B3GNT4: variants seen among roughly 807,000 people sequenced by gnomAD.
The protein encoded by B3GNT4 is N-acetyllactosaminide beta-1,3-N-acetylglucosaminyltransferase 4.
B3GNT4 carries 2 observed loss-of-function variants against 2.7 expected under a neutral mutation model. The ratio of observed to expected loss-of-function variants is 0.73; its 90% CI spans 0.30 to 2.31. The LOEUF (loss-of-function observed/expected upper bound fraction) is 2.31, where lower values mean the gene tolerates loss of function less well. Ranked by LOEUF, B3GNT4 falls within the 30% of genes most tolerant of loss-of-function variation. The pLI is 0.12. For missense variants in B3GNT4, 708 were observed against 490.9 expected, an observed-to-expected ratio of 1.44 and a Z score of -4.18; for synonymous variants, 280 against 203.4, an observed-to-expected ratio of 1.38 and a Z score of -3.20.
chr12:122,204,724 C>A, intron 2 of B3GNT4, 40 bp downstream of exon 2: 1 of 1,523,272 alleles, frequency 6.6e-7, no homozygotes. Context: ...CCCCTTGTCC[C>A]CCACCCCCGC....
At chr12:122,204,381 T>A in intron 1 of B3GNT4, 141 bp from the exon 2 acceptor site, 1 of 408,498 alleles carries the variant, frequency 2.4e-6, no homozygotes, top group Non-Finnish European at 4.4e-6. Flanking sequence ...GGCCAGCGCC[T>A]GGGGACGCCC....
At chr12:122,204,083 G>A (rs1159725110) in intron 1 of B3GNT4, among the ~76,000 whole-genome samples, 3 of 151,800 alleles carry the variant, frequency 2.0e-5, no homozygotes, top group Non-Finnish European at 4.4e-5. Flanking sequence ...CGCCCGACGC[G>A]CAGCGCTGCT....
Position 122,204,557 on chromosome 12 carries a change from TC to T in B3GNT4, c.-61del. On this transcript the variant is annotated 5_prime_UTR_variant, in exon 2 of 3. Transcript: ENST00000324189. ...TCGCACACCTGAGACTCATCTCGCT[TC>T]GACCCCGCCGCCGCCGCCGCCCGGC... is the stretch of plus-strand genomic sequence containing the variant. 6 of 1,345,662 alleles carry T rather than the reference TC, an allele frequency of 4.5e-6. No homozygotes were observed. Among genetic ancestry groups the T allele is most frequent in the Non-Finnish European group, 4.2e-6 (4 of 950,178 alleles). 83.4% of individuals were successfully genotyped at this position (1,345,662 alleles called of 1,614,324 possible).
chr12:122,208,706 T>A lies in B3GNT4; in HGVS notation c.*1318T>A. Reference sequence around the variant, plus strand: ...GGGGTCACTTTCCTTGACCTCCCTGTCTTCTCTCTCTGCAAAGAAACTTCC... The same window carrying A: ...GGGGTCACTTTCCTTGACCTCCCTGACTTCTCTCTCTGCAAAGAAACTTCC... On this transcript the variant is annotated 3_prime_UTR_variant, in exon 3 of 3. Coordinates refer to ENST00000324189, the MANE Select transcript of B3GNT4 (RefSeq NM_030765.4). 1 of 868,058 alleles carries A rather than the reference T, an allele frequency of 1.2e-6. No individual in the cohort carries two copies. 53.8% of individuals were successfully genotyped at this position (868,058 alleles called of 1,614,324 possible).
At chr12:122,206,004 G>A in intron 2 of B3GNT4, 2 of 363,548 alleles carry the variant, frequency 5.5e-6, no homozygotes, top group East Asian at 4.4e-5. Context: ...AAACTCATCA[G>A]GTGCTCGAGT....
chr12:122,204,013 C>T (rs1013994575), intron 1 of B3GNT4, among the ~76,000 whole-genome samples: 1 of 151,832 alleles, frequency 6.6e-6, no homozygotes, highest in Admixed American at 6.6e-5. Context: ...CTTCGGTTCT[C>T]CAGGCTGGGG....
At position 122,208,229 on chromosome 12, in the gene B3GNT4, C is replaced by T. The variant is rs372571210; in HGVS notation, c.*841C>T. The T allele has an allele frequency of 1.7e-4, 148 of 883,044 alleles. No homozygotes were observed. In the East Asian group the frequency reaches 3.4e-3, roughly 20 times the overall value. 54.7% of individuals were successfully genotyped at this position (883,044 alleles called of 1,614,324 possible). On this transcript the variant is annotated 3_prime_UTR_variant, in exon 3 of 3. Coordinates refer to ENST00000324189, the MANE Select transcript of B3GNT4 (RefSeq NM_030765.4). ...CGCAAGCCTGAGACCACAGGAGGCA[C>T]TCACAGCTCACAAAGGCGTCTCGCC...
rs972389008 is a variant in B3GNT4 at position 122,206,510 on chromosome 12, C to A, written c.259C>A (p.Leu87Met). 2 of 1,614,214 alleles carry A rather than the reference C, an allele frequency of 1.2e-6. No individual in the cohort carries two copies. Among genetic ancestry groups the A allele is most frequent in the African/African-American group, 2.7e-5 (2 of 75,072 alleles). Reference sequence around the variant, plus strand: ...CAACCACACAGTGTCTAGCGCCTCTCTGTCCCTGCCTAGCCGTCACCGTCT... The same window carrying A: ...CAACCACACAGTGTCTAGCGCCTCTATGTCCCTGCCTAGCCGTCACCGTCT... ...PPNHTVSSAS[L>M]SLPSRHRLFL... Residue 87 changes from leucine to methionine, a missense_variant, in exon 3 of 3, where the codon CTG becomes ATG. Coordinates refer to ENST00000324189, the MANE Select transcript of B3GNT4 (RefSeq NM_030765.4).
In B3GNT4 at chr12:122,206,818, C is replaced by CT; in HGVS notation, c.569dup (p.Phe191LeufsTer29). The CT allele has an allele frequency of 6.2e-7, 1 of 1,612,220 alleles. No homozygotes were observed. The highest frequency in any genetic ancestry group is 8.5e-7 in the Non-Finnish European group (1 of 1,179,092). On this transcript the variant is annotated frameshift_variant, in exon 3 of 3. Transcript: ENST00000324189. LOFTEE classifies it low-confidence loss of function (END_TRUNC). ...TCCTCCAGTGGGACTTCACTGAGGA[C>CT]TTCTTCAACCTGACGCTCAAGGAGC...
chr12:122,204,560 A>AG lies in B3GNT4; in HGVS notation c.-59_-58insG. On this transcript the variant is annotated 5_prime_UTR_variant, in exon 2 of 3. Transcript: ENST00000324189. Reference sequence around the variant, plus strand: ...CACACCTGAGACTCATCTCGCTTCGACCCCGCCGCCGCCGCCGCCCGGCAT... The same window carrying AG: ...CACACCTGAGACTCATCTCGCTTCGAGCCCCGCCGCCGCCGCCGCCCGGCAT... 8.2e-7 allele frequency: 1 copy of AG among 1,216,494 alleles called. No homozygotes were observed. The highest frequency in any genetic ancestry group is 1.2e-6 in the Non-Finnish European group (1 of 834,848). The allele number at this position is 1,216,494 out of a possible 1,614,324, so 75.4% of individuals were successfully genotyped here.
rs1451254737 is a variant in B3GNT4 at position 122,208,823 on chromosome 12, G to T, written c.*1435G>T. The T allele has an allele frequency of 4.9e-6, 3 of 607,574 alleles. No homozygotes were observed. Among genetic ancestry groups the T allele is most frequent in the Non-Finnish European group, 6.2e-6 (2 of 325,076 alleles). 37.6% of individuals were successfully genotyped at this position (607,574 alleles called of 1,614,324 possible). A position where few individuals can be genotyped will look rare whatever the true frequency, so the allele number is the denominator to read the frequency against. The stretch of plus-strand genomic sequence containing the variant: ...GCGGCCAACATCACAATTATTAAAT[G>T]CAACTCTCACAATCATCTTTATAGC... On this transcript the variant is annotated 3_prime_UTR_variant, in exon 3 of 3. Coordinates refer to ENST00000324189, the MANE Select transcript of B3GNT4 (RefSeq NM_030765.4).
rs753282098 is a variant in B3GNT4 at position 122,206,532 on chromosome 12, G to A, written c.281G>A (p.Arg94His). 8.7e-6 allele frequency: 14 copies of A among 1,614,062 alleles called. No individual in the cohort carries two copies. The highest frequency in any genetic ancestry group is 6.6e-5 in the South Asian group (6 of 91,086). Residue 94 changes from arginine (R) to histidine (H), a missense_variant, in exon 3 of 3, where the codon CGT becomes CAT. By Grantham distance (29) the Arg-to-His change is conservative (BLOSUM62 0). Coordinates refer to ENST00000324189, the MANE Select transcript of B3GNT4 (RefSeq NM_030765.4). Reference protein sequence around the residue: ...SASLSLPSRHRLFLTYRHCRN... With the variant: ...SASLSLPSRHHLFLTYRHCRN... ...TCTCTGTCCCTGCCTAGCCGTCACC[G>A]TCTCTTCTTGACCTATCGTCACTGC...
At position 122,208,376 on chromosome 12, in the gene B3GNT4, G is replaced by C. The variant is rs892712245; in HGVS notation, c.*988G>C. The C allele has an allele frequency of 6.8e-6, 11 of 1,611,572 alleles. No individual in the cohort carries two copies. In the Admixed American group the frequency reaches 1.5e-4, roughly 22 times the overall value. On this transcript the variant is annotated 3_prime_UTR_variant, in exon 3 of 3. Coordinates refer to ENST00000324189, the MANE Select transcript of B3GNT4 (RefSeq NM_030765.4). The stretch of plus-strand genomic sequence containing the variant: ...GTGGGGAGACAGGGCAGTGTGCTCA[G>C]GCCCTCAATCCTCACGCAGGTAGGC...
rs1593165775 is a variant in B3GNT4 at position 122,208,879 on chromosome 12, A to AT, written c.*1498dup. ...AGCTTTTAGTACAGACCTTTGATTA[A>AT]TTTTTTTAACTACACATCTTCCATT... On this transcript the variant is annotated 3_prime_UTR_variant, in exon 3 of 3. Coordinates refer to ENST00000324189, the MANE Select transcript of B3GNT4 (RefSeq NM_030765.4). 3 of 447,774 alleles carry AT rather than the reference A, an allele frequency of 6.7e-6. No individual in the cohort carries two copies. The highest frequency in any genetic ancestry group is 5.6e-5 in the East Asian group (1 of 17,796). The allele number at this position is 447,774 out of a possible 1,614,324, so 27.7% of individuals were successfully genotyped here.
In B3GNT4 at chr12:122,207,501, T is replaced by A; in HGVS notation, c.*113T>A. On this transcript the variant is annotated 3_prime_UTR_variant, in exon 3 of 3. Transcript: ENST00000324189. ...TGCCAACTTGGTTTTTTAACTCCTC[T>A]CACCCTGTTAGCTCTGATTAAAAAC... 1 of 979,758 alleles carries A rather than the reference T, an allele frequency of 1.0e-6. No homozygotes were observed. The highest frequency in any genetic ancestry group is 1.5e-6 in the Non-Finnish European group (1 of 683,160). 60.7% of individuals were successfully genotyped at this position (979,758 alleles called of 1,614,324 possible).
At chr12:122,204,885 A>C in intron 2 of B3GNT4, 2 of 564,542 alleles carry the variant, frequency 3.5e-6, no homozygotes, top group East Asian at 3.2e-5. Context: ...CAAAAAATAA[A>C]TTAGCCGGGC....
At chr12:122,204,891 C>T (rs561006322) in intron 2 of B3GNT4, 13 of 567,256 alleles carry the variant, frequency 2.3e-5, no homozygotes, top group East Asian at 1.3e-4. Context: ...ATAAATTAGC[C>T]GGGCCCTGCA....
chr12:122,204,614 C>A lies in B3GNT4; in HGVS notation c.-5C>A, dbSNP rs12827843. On this transcript the variant is annotated 5_prime_UTR_variant, in exon 2 of 3. Transcript: ENST00000324189. ...GAGCACGGAGACAGTCTCCAGCTGC[C>A]GTTCATGCTTCCTCCCCAGCCTTCC... The A allele has an allele frequency of 5.0e-6, 8 of 1,605,836 alleles. No homozygotes were observed. The highest frequency in any genetic ancestry group is 3.3e-5 in the South Asian group (3 of 90,874).
chr12:122,207,555 A>C lies in B3GNT4; in HGVS notation c.*167A>C. On this transcript the variant is annotated 3_prime_UTR_variant, in exon 3 of 3. Transcript: ENST00000324189. ...GCAACCCAGCTAACTTGTCCAGCAT[A>C]TGTTGAATGGGAGCCAAAGTGTAGC... The C allele has an allele frequency of 1.4e-6, 1 of 716,238 alleles. No homozygotes were observed. The highest frequency in any genetic ancestry group is 2.3e-6 in the Non-Finnish European group (1 of 441,674). The allele number at this position is 716,238 out of a possible 1,614,324, so 44.4% of individuals were successfully genotyped here.
Sources: gnomAD v4.1 joint callset for allele counts (sites outside exome capture counted in the v4.1 genomes callset) on GRCh38, gnomAD v4.1.1 for gene constraint, MANE v1.5 for transcripts, NCBI Gene and HGNC (gene_info 2026-07-23, HGNC 2026-07-21) for gene names.